The following MOCOS variants were observed in gnomAD, a reference collection of about 807,000 sequenced individuals.
The protein encoded by MOCOS is human molybdenum cofactor sulfurase.
Under a neutral mutation model 83.6 loss-of-function variants are expected in MOCOS, and 86 were observed. That is an observed-to-expected ratio of 1.03 (90% CI 0.86 to 1.23). MOCOS has a LOEUF of 1.23. Ranked by LOEUF, MOCOS falls within the 50% of genes most tolerant of loss-of-function variation. The pLI is 0.00. For missense variants in MOCOS, 1,120 were observed against 1,126.9 expected (o/e 0.99, Z 0.09); for synonymous variants, 445 against 434.7 (o/e 1.02, Z -0.29).
chr18:36,264,670 C>G (rs1377637394), intron 13 of MOCOS, among the ~76,000 whole-genome samples: 2 of 152,088 alleles, frequency 1.3e-5, no homozygotes, highest in African/African-American at 2.4e-5. Context: ...TCCTTTCCAG[C>G]AAGTTCTGGG....
intron 1 of MOCOS, among the ~76,000 whole-genome samples, chr18:36,192,381 G>GA (rs1323023843): frequency 6.6e-6 from 1 of 151,980 alleles, no homozygotes; most frequent in African/African-American, 2.4e-5. Context: ...AAAATACACA[G>GA]AAAAAAATTT....
intron 13 of MOCOS, among the ~76,000 whole-genome samples, chr18:36,263,141 G>A (rs994912096): frequency 1.3e-5 from 2 of 152,136 alleles, no homozygotes; most frequent in Admixed American, 6.6e-5. Flanking sequence ...GATGTTTGTT[G>A]ATGATAATAC....
chr18:36,234,381 T>C (rs1173827325), intron 9 of MOCOS, among the ~76,000 whole-genome samples: 3 of 152,240 alleles, frequency 2.0e-5, no homozygotes, highest in African/African-American at 7.2e-5. Context: ...TCTGTTCCAT[T>C]GGTCTGTGTG....
chr18:36,203,936 C>T (rs548517305), intron 5 of MOCOS, among the ~76,000 whole-genome samples: 13 of 152,220 alleles, frequency 8.5e-5, no homozygotes, highest in African/African-American at 3.1e-4. Context: ...AACAGGGCCC[C>T]CAAACTGCAG....
Position 36,249,143 on chromosome 18 carries a change from A to G in MOCOS, c.2039+143A>G, listed in dbSNP as rs2091613422. The G allele has an allele frequency of 3.9e-6, 3 of 761,628 alleles. No homozygotes were observed. The East Asian group carries it at 8.0e-5, about 20-fold the overall frequency. 47.2% of individuals were successfully genotyped at this position (761,628 alleles called of 1,614,324 possible). ...TTTCTCCCTTGCATGCTTCTCTCTA[A>G]CCACACTCTTGGCTCTTTGGTCTTC... On this transcript the variant is annotated intron_variant, in intron 10 of 14. Coordinates refer to ENST00000261326, the MANE Select transcript of MOCOS (RefSeq NM_017947.4).
intron 11 of MOCOS, among the ~76,000 whole-genome samples, chr18:36,254,492 GTGTGTGTA>G (rs1440094146): frequency 9.1e-6 from 1 of 110,276 alleles, no homozygotes; most frequent in African/African-American, 4.3e-5. Flanking sequence ...GTGTGTGTGT[GTGTGTGTA>G]TAGAGAGAGA....
intron 6 of MOCOS, among the ~76,000 whole-genome samples, chr18:36,209,109 C>A (rs1366612747): frequency 6.6e-6 from 1 of 150,918 alleles, no homozygotes; most frequent in African/African-American, 2.4e-5. Context: ...GATTTGTGTA[C>A]GTTGAACCAG....
rs772032418 is a variant in MOCOS at position 36,187,627 on chromosome 18, T to C, written c.88T>C (p.Tyr30His). The change falls in exon 1 of 15, where the codon TAC (tyrosine) becomes CAC (histidine). Residue 30 changes from tyrosine (Y) to histidine (H), a missense_variant. Physicochemically the swap from Tyr to His is moderately conservative, Grantham distance 83. Coordinates refer to ENST00000261326, the MANE Select transcript of MOCOS (RefSeq NM_017947.4). ...DPSAPRLAYG[Y>H]GPGSLRELRA... ...GAGCGCACCGCGGCTAGCCTACGGC[T>C]ACGGCCCGGGCAGCCTGCGCGAGCT... 1 of 1,251,410 alleles carries C rather than the reference T, an allele frequency of 8.0e-7. No individual in the cohort carries two copies. Among genetic ancestry groups the C allele is most frequent in the Non-Finnish European group, 1.0e-6 (1 of 997,492 alleles). The allele number at this position is 1,251,410 out of a possible 1,614,324, so 77.5% of individuals were successfully genotyped here.
At chr18:36,243,141 T>G (rs1661217712) in intron 9 of MOCOS, among the ~76,000 whole-genome samples, 1 of 152,236 alleles carries the variant, frequency 6.6e-6, no homozygotes, top group South Asian at 2.1e-4. Context: ...GAAACTTTAC[T>G]AACTTCATTT....
At chr18:36,227,192 A>G (rs1440552248) in intron 9 of MOCOS, among the ~76,000 whole-genome samples, 1 of 151,538 alleles carries the variant, frequency 6.6e-6, no homozygotes, top group Non-Finnish European at 1.5e-5. Flanking sequence ...AATTATGGGC[A>G]TGAGCCACCA....
chr18:36,200,378 C>A (rs1335344053), intron 4 of MOCOS, 54 bp downstream of exon 4: 27 of 1,601,074 alleles, frequency 1.7e-5, no homozygotes, highest in Non-Finnish European at 2.2e-5. Flanking sequence ...GGGGTCTGGC[C>A]TGTTTCTCCT....
intron 9 of MOCOS, among the ~76,000 whole-genome samples, chr18:36,240,574 A>G (rs1465854336): frequency 6.6e-6 from 1 of 151,782 alleles, no homozygotes; most frequent in African/African-American, 2.4e-5. Context: ...TGCAGAGGTT[A>G]CTGCTGTCTT....
intron 9 of MOCOS, among the ~76,000 whole-genome samples, chr18:36,233,550 C>G (rs2091546619): frequency 1.3e-5 from 2 of 152,076 alleles, no homozygotes; most frequent in Admixed American, 1.3e-4. Flanking sequence ...TGGGTAAATA[C>G]CCAGTAGTAG....
intron 6 of MOCOS, among the ~76,000 whole-genome samples, chr18:36,211,535 G>T (rs533129878): frequency 1.3e-5 from 2 of 152,144 alleles, no homozygotes; most frequent in South Asian, 4.1e-4. Context: ...AAAGGCTCCC[G>T]GGCTGGGAGC....
Position 36,248,873 on chromosome 18 carries a change from CTGT to C in MOCOS, c.1961-44_1961-42del, listed in dbSNP as rs112418519. The C allele has an allele frequency of 2.2e-5, 32 of 1,459,924 alleles. No individual in the cohort carries two copies. The African/African-American group carries it at 2.4e-4, about 11-fold the overall frequency. 90.4% of individuals were successfully genotyped at this position (1,459,924 alleles called of 1,614,324 possible). A position where few individuals can be genotyped will look rare whatever the true frequency, so the allele number is the denominator to read the frequency against. ...TGTAGTATATTTTGAAGTCAAGTAGCTGTTGTTTTTACATAATGATAAATTTGT... is the reference window on the plus strand; with the variant it reads ...TGTAGTATATTTTGAAGTCAAGTAGCTGTTTTTACATAATGATAAATTTGT... On this transcript the variant is annotated intron_variant, in intron 9 of 14. Coordinates refer to ENST00000261326, the MANE Select transcript of MOCOS (RefSeq NM_017947.4).
At position 36,213,424 on chromosome 18, in the gene MOCOS, C is replaced by T. The variant is rs1162536326; in HGVS notation, c.1277C>T (p.Thr426Ile). 1 of 1,614,130 alleles carries T rather than the reference C, an allele frequency of 6.2e-7. No individual in the cohort carries two copies. ...IHLRTGCFCN[T>I]GACQRHLGIS... is the part of the protein sequence containing the mutation. ...CTGCGAACTGGCTGCTTCTGTAACA[C>T]TGGGGCCTGCCAGAGGCACCTGGGC... Residue 426 changes from threonine to isoleucine, a missense_variant, in exon 7 of 15, where the codon ACT (threonine) becomes ATT (isoleucine). Transcript: ENST00000261326.
At chr18:36,267,414 G>GA (rs2144161569) in intron 14 of MOCOS, among the ~76,000 whole-genome samples, 1 of 152,276 alleles carries the variant, frequency 6.6e-6, no homozygotes, top group East Asian at 1.9e-4. Context: ...AGGAAGCCAA[G>GA]AAAAGCAGTC....
At chr18:36,259,972 T>C (rs2091657493) in intron 12 of MOCOS, 65 bp from the exon 13 acceptor site, 14 of 1,596,658 alleles carry the variant, frequency 8.8e-6, no homozygotes, top group Non-Finnish European at 1.2e-5. Context: ...GCATGATGAA[T>C]TATTATAGTG....
At chr18:36,266,999 T>G in intron 14 of MOCOS, 146 bp downstream of exon 14, 2 of 697,072 alleles carry the variant, frequency 2.9e-6, no homozygotes, top group Admixed American at 2.5e-5. Flanking sequence ...TAACCTATCC[T>G]TGTTTGTAGT....
Sources: allele counts gnomAD v4.1 joint callset (sites outside exome capture counted in the v4.1 genomes callset), GRCh38; gene constraint gnomAD v4.1.1; transcripts MANE v1.5; gene names NCBI Gene and HGNC (gene_info 2026-07-23, HGNC 2026-07-21).